The following CCDC178 variants were observed in gnomAD, a reference collection of about 807,000 sequenced individuals.
CCDC178 encodes coiled-coil domain-containing protein 178.
In CCDC178, 126 loss-of-function variants were observed where a neutral mutation model predicts 117.4. That is an observed-to-expected ratio of 1.07 (90% confidence interval 0.93 to 1.24). The LOEUF (loss-of-function observed/expected upper bound fraction) is 1.24, where lower values mean the gene tolerates loss of function less well. CCDC178 is among the 50% of genes most tolerant of loss of function. CCDC178 has a pLI of 0.00. For synonymous variants in CCDC178, 283 were observed against 313.4 expected, an observed-to-expected ratio of 0.90 and a Z score of 1.02; for missense variants, 1,030 against 986.9, an observed-to-expected ratio of 1.04 and a Z score of -0.59.
chr18:33,021,614 C>T (rs193001342), intron 21 of CCDC178, among the ~76,000 whole-genome samples: 52 of 152,314 alleles, frequency 3.4e-4, no homozygotes, highest in African/African-American at 1.2e-3. Flanking sequence ...TATCACTCCC[C>T]TGCTTTCATT....
intron 4 of CCDC178, among the ~76,000 whole-genome samples, chr18:33,392,922 T>C (rs1188605093): frequency 1.3e-5 from 2 of 152,200 alleles, no homozygotes; most frequent in African/African-American, 2.4e-5. Context: ...TCATACACTA[T>C]AGAACTGTGT....
At chr18:33,220,422 A>G (rs1452504450) in intron 18 of CCDC178, among the ~76,000 whole-genome samples, 1 of 152,012 alleles carries the variant, frequency 6.6e-6, no homozygotes, top group African/African-American at 2.4e-5. Context: ...TCTGACTCCA[A>G]AGCCTTTACT....
intron 11 of CCDC178, among the ~76,000 whole-genome samples, chr18:33,303,524 T>A (rs1038304097): frequency 6.6e-6 from 1 of 152,118 alleles, no homozygotes; most frequent in Non-Finnish European, 1.5e-5. Flanking sequence ...GTAAGTTTGA[T>A]GTTGTAACAA....
chr18:32,939,258 T>C (rs941176313), intron 22 of CCDC178, among the ~76,000 whole-genome samples: 6 of 152,114 alleles, frequency 3.9e-5, no homozygotes, highest in Non-Finnish European at 8.8e-5. Flanking sequence ...ATGGAAATAC[T>C]TCTATGTTTA....
chr18:33,268,879 C>T, intron 12 of CCDC178, among the ~76,000 whole-genome samples: 1 of 151,872 alleles, frequency 6.6e-6, no homozygotes, highest in East Asian at 1.9e-4. Context: ...CTAGGGAGCA[C>T]TGATTTAATA....
intron 21 of CCDC178, among the ~76,000 whole-genome samples, chr18:33,085,130 A>T (rs1382739354): frequency 6.6e-6 from 1 of 152,238 alleles, no homozygotes; most frequent in Non-Finnish European, 1.5e-5. Context: ...GGATCATGTT[A>T]TAATCATATA....
chr18:33,031,002 T>C (rs2056331556), intron 21 of CCDC178, among the ~76,000 whole-genome samples: 1 of 152,078 alleles, frequency 6.6e-6, no homozygotes, highest in Admixed American at 6.6e-5. Flanking sequence ...CCTGGGTCAG[T>C]TGGGGGCATT....
chr18:33,173,591 G>C (rs1191764336), intron 20 of CCDC178, among the ~76,000 whole-genome samples: 1 of 152,100 alleles, frequency 6.6e-6, no homozygotes, highest in Non-Finnish European at 1.5e-5. Context: ...AATGTTTCCT[G>C]CATAAGCATT....
intron 14 of CCDC178, among the ~76,000 whole-genome samples, chr18:33,253,457 A>G (rs112828568): frequency 6.6e-6 from 1 of 151,996 alleles, no homozygotes; most frequent in Admixed American, 6.6e-5. Context: ...TTATGAAATC[A>G]GTGATTTGCT....
chr18:33,044,516 C>CAA (rs200342113), intron 21 of CCDC178, among the ~76,000 whole-genome samples: 4 of 149,246 alleles, frequency 2.7e-5, no homozygotes, highest in African/African-American at 1.0e-4. Context: ...AAAAAACAAA[C>CAA]AAACAAAAAA....
intron 2 of CCDC178, among the ~76,000 whole-genome samples, chr18:33,419,903 T>C (rs1266417041): frequency 6.6e-6 from 1 of 151,912 alleles, no homozygotes; most frequent in Non-Finnish European, 1.5e-5. Context: ...CCCAGCAATC[T>C]TTCTTTCCTT....
chr18:32,983,188 G>T, intron 21 of CCDC178: 1 of 704,108 alleles, frequency 1.4e-6, no homozygotes, highest in Admixed American at 2.5e-5. Context: ...ATTGGGAGTA[G>T]GTACATGGTG....
chr18:33,329,393 C>A (rs1360769539), intron 10 of CCDC178, among the ~76,000 whole-genome samples: 1 of 152,042 alleles, frequency 6.6e-6, no homozygotes, highest in East Asian at 1.9e-4. Context: ...AGGTTTAAGT[C>A]TTTCACCATT....
rs2062548937 is a variant in CCDC178 at position 33,323,758 on chromosome 18, C to G, written c.880-125G>C. ...AGAAACATTTTCTTCCCACATTTAG[C>G]CTATGGTTTGGTAAGTGGAATTTCA... On this transcript the variant is annotated intron_variant, in intron 10 of 22. Transcript: ENST00000383096. 3 of 545,916 alleles carry G rather than the reference C, an allele frequency of 5.5e-6. No homozygotes were observed. The East Asian group carries it at 1.0e-4, about 19-fold the overall frequency. 33.8% of individuals were successfully genotyped at this position (545,916 alleles called of 1,614,324 possible).
chr18:33,120,453 A>T (rs2057921635), intron 20 of CCDC178, among the ~76,000 whole-genome samples: 1 of 152,154 alleles, frequency 6.6e-6, no homozygotes, highest in Non-Finnish European at 1.5e-5. Context: ...ATCTTCTATG[A>T]TTAAAGTCAA....
At chr18:33,048,394 T>C (rs1315597328) in intron 21 of CCDC178, among the ~76,000 whole-genome samples, 2 of 152,178 alleles carry the variant, frequency 1.3e-5, no homozygotes, top group Non-Finnish European at 2.9e-5. Context: ...TATTGTATTA[T>C]GGTAGAATAT....
intron 5 of CCDC178, among the ~76,000 whole-genome samples, chr18:33,378,151 G>A (rs2063389467): frequency 6.6e-6 from 1 of 152,154 alleles, no homozygotes; most frequent in African/African-American, 2.4e-5. Flanking sequence ...TCCCTGTAGA[G>A]AGCTTTCACC....
intron 21 of CCDC178, among the ~76,000 whole-genome samples, chr18:33,015,575 A>G (rs897854241): frequency 4.7e-5 from 7 of 149,452 alleles, no homozygotes; most frequent in African/African-American, 1.8e-4. Flanking sequence ...AAAAACAACA[A>G]CAACAACAAA....
chr18:32,974,339 T>C (rs533348656), intron 22 of CCDC178, among the ~76,000 whole-genome samples: 1 of 152,194 alleles, frequency 6.6e-6, no homozygotes, highest in Non-Finnish European at 1.5e-5. Flanking sequence ...TTGTGAGAAA[T>C]AAGTCCAATC....
Sources: allele counts gnomAD v4.1 joint callset (sites outside exome capture counted in the v4.1 genomes callset), GRCh38; gene constraint gnomAD v4.1.1; transcripts MANE v1.5; gene names NCBI Gene and HGNC (gene_info 2026-07-23, HGNC 2026-07-21).